The following NTM variants were observed in gnomAD, a reference collection of about 807,000 sequenced individuals.
NTM encodes the protein neurotrimin, also known as IgLON family member 2.
In NTM, 13 loss-of-function variants were observed where a neutral mutation model predicts 42.1. The observed-to-expected ratio is 0.31, with a 90% CI of 0.20 to 0.49. The LOEUF (loss-of-function observed/expected upper bound fraction) is 0.49. NTM is among the 20% of genes least tolerant of loss of function. The probability of loss-of-function intolerance (pLI) is 0.99; values close to 1 mark genes in which losing one functional copy is unlikely to be tolerated. For missense variants in NTM, 373 were observed against 452.8 expected (o/e 0.82, Z 1.60); for synonymous variants, 187 against 179.2 (o/e 1.04, Z -0.35).
chr11:131,724,510 A>G (rs1379478344), intron 1 of NTM, among the ~76,000 whole-genome samples: 1 of 152,174 alleles, frequency 6.6e-6, no homozygotes, highest in Non-Finnish European at 1.5e-5. Flanking sequence ...ACAAATGCAA[A>G]TAAGAACGGA....
At chr11:131,856,449 A>G (rs1380101685) in intron 1 of NTM, among the ~76,000 whole-genome samples, 1 of 152,158 alleles carries the variant, frequency 6.6e-6, no homozygotes. Flanking sequence ...ATTCAGCAAC[A>G]ATTTATTTTC....
intron 1 of NTM, among the ~76,000 whole-genome samples, chr11:131,401,171 C>T (rs1479653629): frequency 6.6e-6 from 1 of 151,842 alleles, no homozygotes; most frequent in South Asian, 2.1e-4. Context: ...AAAATAACAA[C>T]AAAAAAACAC....
At chr11:131,764,417 C>T (rs1334196409) in intron 1 of NTM, among the ~76,000 whole-genome samples, 1 of 152,106 alleles carries the variant, frequency 6.6e-6, no homozygotes, top group Non-Finnish European at 1.5e-5. Flanking sequence ...TGTTGAGAGA[C>T]ACAGGTGTTG....
intron 2 of NTM, among the ~76,000 whole-genome samples, chr11:131,992,974 A>G (rs563204011): frequency 3.3e-5 from 5 of 152,294 alleles, no homozygotes; most frequent in African/African-American, 1.2e-4. Context: ...GGAGTTTGGG[A>G]AACATACTCA....
chr11:131,757,166 A>G (rs1442424298), intron 1 of NTM, among the ~76,000 whole-genome samples: 1 of 152,164 alleles, frequency 6.6e-6, no homozygotes, highest in Non-Finnish European at 1.5e-5. Context: ...TTTCCACCCA[A>G]TAGGCCCAGT....
chr11:131,511,772 C>T (rs2048284650), intron 1 of NTM, among the ~76,000 whole-genome samples: 1 of 152,172 alleles, frequency 6.6e-6, no homozygotes, highest in Non-Finnish European at 1.5e-5. Context: ...CATCTAGTTC[C>T]ATTCGGACCC....
intron 2 of NTM, among the ~76,000 whole-genome samples, chr11:132,042,527 T>C (rs1172208560): frequency 6.6e-6 from 1 of 152,234 alleles, no homozygotes; most frequent in Non-Finnish European, 1.5e-5. Context: ...TTTAATGCTA[T>C]GCTGAAATCT....
chr11:131,791,528 A>G (rs1051144034), intron 1 of NTM, among the ~76,000 whole-genome samples: 16 of 152,206 alleles, frequency 1.1e-4, no homozygotes, highest in Admixed American at 7.2e-4. Context: ...AGGTCAAGCA[A>G]CATAACATCA....
chr11:131,370,876 T>C lies in NTM; in HGVS notation c.70T>C (p.Cys24Arg). 2 of 1,614,130 alleles carry C rather than the reference T, an allele frequency of 1.2e-6. No individual in the cohort carries two copies. The highest frequency in any genetic ancestry group is 1.7e-6 in the Non-Finnish European group (2 of 1,179,964). ...AATCTTCACGGGGCTGGCTGCTCTG[T>C]GTCTCTTCCAAGGTAAGAGCTTGCT... ...WAIFTGLAAL[C>R]LFQGVPVRSG... The change falls in exon 1 of 9, where the codon TGT (cysteine) becomes CGT (arginine). Residue 24 changes from cysteine to arginine, a missense_variant. Around this residue, in one of 3 missense-constraint regions of NTM, gnomAD observed 29 missense variants for 30.4 expected, o/e 0.95. Transcript: ENST00000683400.
At chr11:132,265,666 G>T (rs767028636) in intron 4 of NTM, among the ~76,000 whole-genome samples, 14 of 152,220 alleles carry the variant, frequency 9.2e-5, no homozygotes, top group Non-Finnish European at 2.1e-4. Context: ...ATGGGAAGTA[G>T]GGAGCACTGG....
rs117062160 is a variant in NTM, at chr11:132,036,945, C to T, written c.168-109337C>T. Among the ~76,000 whole-genome samples, 26 of 152,266 alleles carry T rather than the reference C, an allele frequency of 1.7e-4. 1 individual carries two copies. The East Asian group carries it at 4.3e-3, about 25-fold the overall frequency. On this transcript the variant is annotated intron_variant, in intron 2 of 8. Transcript: ENST00000683400. ...GGTATCCTGGGGTCAGCACTGAATGCACGTCAGGAGACCTGAGTCCTGTCT... is the reference window on the plus strand; with the variant it reads ...GGTATCCTGGGGTCAGCACTGAATGTACGTCAGGAGACCTGAGTCCTGTCT...
intron 1 of NTM, among the ~76,000 whole-genome samples, chr11:131,392,727 G>A (rs1427817515): frequency 6.6e-6 from 1 of 152,178 alleles, no homozygotes; most frequent in Non-Finnish European, 1.5e-5. Flanking sequence ...GCTCCACCCA[G>A]TGGCAGAATC....
chr11:131,489,375 C>G (rs752207762), intron 1 of NTM, among the ~76,000 whole-genome samples: 1 of 152,194 alleles, frequency 6.6e-6, no homozygotes, highest in South Asian at 2.1e-4. Flanking sequence ...CATGATAATT[C>G]TCTTTAAAAT....
At chr11:131,432,532 A>G (rs1012522922) in intron 1 of NTM, among the ~76,000 whole-genome samples, 1 of 152,204 alleles carries the variant, frequency 6.6e-6, no homozygotes, top group Non-Finnish European at 1.5e-5. Flanking sequence ...CCACATGGTT[A>G]GGACAACTGA....
rs114898240 is a variant in NTM at position 131,768,431 on chromosome 11, T to A, written c.83-143133T>A. On this transcript the variant is annotated intron_variant, in intron 1 of 8. Transcript: ENST00000683400. The stretch of plus-strand genomic sequence containing the variant: ...CTGTGCTTGGCTGTGAAAATGTAAT[T>A]CAGGACTAGTTTGAGCTGAATTCGG... 8.2e-3 allele frequency among the ~76,000 whole-genome samples: 1,251 copies of A among 152,284 alleles called. 13 individuals carry two copies. Among genetic ancestry groups the A allele is most frequent in the African/African-American group, 0.028 (1,151 of 41,552 alleles).
chr11:131,772,982 C>T (rs2086364713), intron 1 of NTM, among the ~76,000 whole-genome samples: 1 of 152,192 alleles, frequency 6.6e-6, no homozygotes, highest in Non-Finnish European at 1.5e-5. Context: ...ACATCATCCA[C>T]AATATGTTTG....
intron 1 of NTM, among the ~76,000 whole-genome samples, chr11:131,822,430 G>A (rs148466333): frequency 3.6e-3 from 546 of 152,236 alleles, no homozygotes; most frequent in African/African-American, 0.012. Context: ...AAATGGAATT[G>A]CACTAAATGA....
intron 2 of NTM, among the ~76,000 whole-genome samples, chr11:132,043,956 CTATGTGTG>C (rs1254787388): frequency 3.0e-5 from 3 of 98,998 alleles, no homozygotes; most frequent in East Asian, 3.2e-4. Flanking sequence ...CAGACACCAA[CTATGTGTG>C]TGTGTGTGTG....
chr11:131,991,909 A>G (rs1320416307), intron 2 of NTM, among the ~76,000 whole-genome samples: 2 of 152,136 alleles, frequency 1.3e-5, no homozygotes, highest in African/African-American at 2.4e-5. Context: ...ACAGGTAAAG[A>G]CAGAAGTCAT....
Sources: allele counts gnomAD v4.1 joint callset (sites outside exome capture counted in the v4.1 genomes callset), GRCh38; gene constraint gnomAD v4.1.1; regional missense constraint gnomAD v4.1.1; transcripts MANE v1.5; gene names NCBI Gene and HGNC (gene_info 2026-07-23, HGNC 2026-07-21).